The following ALPK1 variants were observed in gnomAD, a reference collection of about 807,000 sequenced individuals.
ALPK1 encodes the protein alpha-protein kinase 1.
A neutral mutation model predicts 120.6 loss-of-function variants in ALPK1; 110 were observed. That is an observed-to-expected ratio of 0.91 (90% CI 0.78 to 1.07). The LOEUF (loss-of-function observed/expected upper bound fraction) is 1.07, where lower values mean the gene tolerates loss of function less well. ALPK1 is among the 50% of genes least tolerant of loss of function. ALPK1 has a pLI of 0.00. For missense variants in ALPK1, 1,498 were observed against 1,483.9 expected, an observed-to-expected ratio of 1.01 and a Z score of -0.16; for synonymous variants, 582 against 560.3, an observed-to-expected ratio of 1.04 and a Z score of -0.55.
intron 3 of ALPK1, among the ~76,000 whole-genome samples, chr4:112,382,075 T>C (rs1731938002): frequency 6.6e-6 from 1 of 152,184 alleles, no homozygotes; most frequent in Non-Finnish European, 1.5e-5. Flanking sequence ...AAAATAATAT[T>C]TCCTTCATTC....
chr4:112,315,247 G>A (rs1348061813), intron 1 of ALPK1, among the ~76,000 whole-genome samples: 1 of 152,094 alleles, frequency 6.6e-6, no homozygotes, highest in African/African-American at 2.4e-5. Flanking sequence ...CAACATTTTT[G>A]TATAAATAAC....
chr4:112,325,816 C>T (rs2351451), intron 2 of ALPK1, among the ~76,000 whole-genome samples: 105,704 of 151,940 alleles, frequency 0.7, 36,866 homozygotes, highest in East Asian at 0.81. Flanking sequence ...TTTAAGCAAC[C>T]ATGAATTTTT....
intron 7 of ALPK1, 36 bp downstream of exon 7, chr4:112,425,787 A>G: frequency 1.3e-6 from 2 of 1,539,234 alleles, no homozygotes; most frequent in Non-Finnish European, 1.8e-6. Context: ...CTCAAGGCTC[A>G]TTTACAAAGC....
intron 2 of ALPK1, among the ~76,000 whole-genome samples, chr4:112,348,861 GA>G (rs1057013946): frequency 3.9e-4 from 59 of 152,280 alleles, no homozygotes; most frequent in African/African-American, 1.4e-3. Context: ...AATAAATAAA[GA>G]GCTTTGTGTG....
At chr4:112,405,617 C>A (rs1256601264) in intron 4 of ALPK1, among the ~76,000 whole-genome samples, 1 of 152,070 alleles carries the variant, frequency 6.6e-6, no homozygotes, top group East Asian at 1.9e-4. Context: ...GCTGTGTCAC[C>A]CAAGCTGGAA....
At chr4:112,376,186 G>A (rs759334154) in intron 2 of ALPK1, among the ~76,000 whole-genome samples, 1 of 152,102 alleles carries the variant, frequency 6.6e-6, no homozygotes, top group Non-Finnish European at 1.5e-5. Context: ...CCAAAAAGTG[G>A]CACAGAGACA....
At chr4:112,359,477 G>A (rs1289316259) in intron 2 of ALPK1, 3 of 276,038 alleles carry the variant, frequency 1.1e-5, no homozygotes, top group East Asian at 8.3e-5. Context: ...ACTTCTTGCC[G>A]ACATGCACAG....
intron 2 of ALPK1, among the ~76,000 whole-genome samples, chr4:112,366,411 A>C (rs953916131): frequency 6.6e-6 from 1 of 152,146 alleles, no homozygotes; most frequent in African/African-American, 2.4e-5. Flanking sequence ...GTTTTCAAAA[A>C]AAGATATACA....
intron 4 of ALPK1, among the ~76,000 whole-genome samples, chr4:112,396,753 T>C (rs1338387827): frequency 1.3e-5 from 2 of 152,112 alleles, no homozygotes; most frequent in Non-Finnish European, 2.9e-5. Context: ...ATCTTTTCAG[T>C]AATCTATGTA....
chr4:112,396,624 T>C (rs1017485813), intron 4 of ALPK1, among the ~76,000 whole-genome samples: 1 of 152,256 alleles, frequency 6.6e-6, no homozygotes, highest in African/African-American at 2.4e-5. Context: ...ATTTTCTTTA[T>C]ATTTTGAGAT....
chr4:112,421,827 A>G (rs1015911573), intron 5 of ALPK1, among the ~76,000 whole-genome samples: 8 of 152,178 alleles, frequency 5.3e-5, no homozygotes, highest in Non-Finnish European at 1.2e-4. Flanking sequence ...CCATTTTTGG[A>G]TAGAGGATGC....
intron 4 of ALPK1, among the ~76,000 whole-genome samples, chr4:112,401,527 T>C (rs796607212): frequency 2.0e-5 from 3 of 152,218 alleles, no homozygotes; most frequent in South Asian, 2.1e-4. Context: ...AAGAAGATAG[T>C]TGGAGAGAAG....
intron 4 of ALPK1, among the ~76,000 whole-genome samples, chr4:112,389,527 A>G (rs1732310525): frequency 6.6e-6 from 1 of 152,262 alleles, no homozygotes; most frequent in African/African-American, 2.4e-5. Flanking sequence ...TAAGGCTGCA[A>G]CAATTGTATT....
chr4:112,425,740 T>A lies in ALPK1; in HGVS notation c.611T>A (p.Leu204Gln). The change falls in exon 7 of 16, where the codon CTG becomes CAG. Residue 204 changes from leucine (L) to glutamine (Q), a missense_variant. Physicochemically the swap from Leu to Gln is moderately radical, Grantham distance 113 (BLOSUM62 -2). Coordinates refer to ENST00000650871, the MANE Select transcript of ALPK1 (RefSeq NM_025144.4). ...SVCIQIRGQI[L>Q]QKLGMWYEAA... is the part of the protein sequence containing the mutation. ...TGTATACAGATCAGAGGGCAGATTC[T>A]GCAAAAGCTGGGTACAATCATGTAA... is the stretch of plus-strand genomic sequence containing the variant. 6.2e-7 allele frequency: 1 copy of A among 1,611,244 alleles called. No individual in the cohort carries two copies. Among genetic ancestry groups the A allele is most frequent in the Non-Finnish European group, 8.5e-7 (1 of 1,177,990 alleles).
At chr4:112,423,659 C>T in intron 5 of ALPK1, 1 of 535,026 alleles carries the variant, frequency 1.9e-6, no homozygotes, top group South Asian at 1.6e-5. Flanking sequence ...AAGTTTGCCT[C>T]TACTCCTCAA....
At chr4:112,319,103 G>C (rs982322179) in intron 2 of ALPK1, among the ~76,000 whole-genome samples, 1 of 152,236 alleles carries the variant, frequency 6.6e-6, no homozygotes, top group East Asian at 1.9e-4. Context: ...AACTGGGAAA[G>C]AGACAAGTGG....
chr4:112,440,286 T>C (rs1363443651), intron 14 of ALPK1, among the ~76,000 whole-genome samples: 2 of 152,202 alleles, frequency 1.3e-5, no homozygotes, highest in African/African-American at 4.8e-5. Flanking sequence ...ATGGGGGTCA[T>C]TATAGAACAG....
intron 2 of ALPK1, chr4:112,358,678 C>G: frequency 1.4e-6 from 1 of 726,208 alleles, no homozygotes; most frequent in Non-Finnish European, 2.5e-6. Flanking sequence ...TCTCTCCCAT[C>G]TAAGAGGCTG....
At chr4:112,337,779 A>G (rs555533534) in intron 2 of ALPK1, among the ~76,000 whole-genome samples, 1 of 152,290 alleles carries the variant, frequency 6.6e-6, no homozygotes, top group Non-Finnish European at 1.5e-5. Flanking sequence ...TAAATTAATA[A>G]TTTAGAGCTT....
Sources: gnomAD v4.1 joint callset for allele counts (sites outside exome capture counted in the v4.1 genomes callset) on GRCh38, gnomAD v4.1.1 for gene constraint, MANE v1.5 for transcripts, NCBI Gene and HGNC (gene_info 2026-07-23, HGNC 2026-07-21) for gene names.